ZNF365: variants seen among roughly 807,000 people sequenced by gnomAD.
ZNF365 encodes protein ZNF365.
A neutral mutation model predicts 35.0 loss-of-function variants in ZNF365; 22 were observed. The ratio of observed to expected loss-of-function variants is 0.63; its 90% CI spans 0.45 to 0.90. The LOEUF is 0.90. ZNF365 is among the 40% of genes least tolerant of loss of function. ZNF365 has a pLI of 0.00. For synonymous variants in ZNF365, 188 were observed against 196.2 expected, an observed-to-expected ratio of 0.96 and a Z score of 0.35; for missense variants, 448 against 500.3, an observed-to-expected ratio of 0.90 and a Z score of 1.00.
intron 3 of ZNF365, among the ~76,000 whole-genome samples, chr10:62,443,223 T>G (rs751604095): frequency 1.3e-5 from 2 of 152,366 alleles, no homozygotes; most frequent in Middle Eastern, 3.4e-3. Flanking sequence ...GCTTCTTCCT[T>G]CTGAGGTGAA....
chr10:62,376,056 A>G, intron 1 of ZNF365, 125 bp from the exon 2 acceptor site: 2 of 1,058,286 alleles, frequency 1.9e-6, no homozygotes, highest in Non-Finnish European at 2.8e-6. Flanking sequence ...TAAGTGCAAC[A>G]TAAAATATTA....
Position 62,380,092 on chromosome 10 carries a change from C to T in ZNF365, c.743+3156C>T, listed in dbSNP as rs910902980. On this transcript the variant is annotated intron_variant, in intron 2 of 4. Transcript: ENST00000395254. ...TTTCTTTCAAGTTAAAATAAAAGAC[C>T]CAAAGGCTGCTTCTGCCCTGAGGCC... is the stretch of plus-strand genomic sequence containing the variant. Among the ~76,000 whole-genome samples, 5 of 152,098 alleles carry T rather than the reference C, an allele frequency of 3.3e-5. No homozygotes were observed. In the South Asian group the frequency reaches 1.0e-3, roughly 32 times the overall value.
Position 62,401,828 on chromosome 10 carries a change from G to A in ZNF365, c.*2039G>A. On this transcript the variant is annotated 3_prime_UTR_variant, in exon 5 of 5. Transcript: ENST00000395254. ...GGCATGGCAACTCTCTTTGACAGTG[G>A]TACCCCATGATCTTCAGAAAGTACC... 1.0e-6 allele frequency: 1 copy of A among 985,448 alleles called. No individual in the cohort carries two copies. 61.0% of individuals were successfully genotyped at this position (985,448 alleles called of 1,614,324 possible).
intron 3 of ZNF365, among the ~76,000 whole-genome samples, chr10:62,440,738 C>T (rs948147618): frequency 3.3e-5 from 5 of 152,152 alleles, no homozygotes; most frequent in Admixed American, 1.3e-4. Flanking sequence ...AAATCCGATT[C>T]CTGGTCCCTA....
intron 4 of ZNF365, among the ~76,000 whole-genome samples, chr10:62,473,596 T>G (rs544740321): frequency 7.1e-6 from 1 of 141,418 alleles, no homozygotes; most frequent in South Asian, 2.3e-4. Flanking sequence ...ATCTGGGAAA[T>G]GAAGAAGACA....
intron 3 of ZNF365, among the ~76,000 whole-genome samples, chr10:62,422,354 T>C (rs775006321): frequency 2.0e-5 from 3 of 152,192 alleles, no homozygotes; most frequent in Admixed American, 6.5e-5. Flanking sequence ...TTTTGTGAAC[T>C]TCTTTGGTTG....
chr10:62,445,649 G>A (rs1840574887), intron 3 of ZNF365, among the ~76,000 whole-genome samples: 1 of 152,144 alleles, frequency 6.6e-6, no homozygotes, highest in Non-Finnish European at 1.5e-5. Flanking sequence ...AGGGCAAGGT[G>A]GTGATAATTG....
intron 3 of ZNF365, among the ~76,000 whole-genome samples, chr10:62,437,645 T>C (rs1840428413): frequency 6.6e-6 from 1 of 152,336 alleles, no homozygotes; most frequent in East Asian, 1.9e-4. Context: ...GCTTTTTCCT[T>C]CTAAATTCAC....
In ZNF365 at chr10:62,399,607, A is replaced by T. The variant is rs761217014; in HGVS notation, c.1042A>T (p.Lys348Ter). 1 of 1,612,364 alleles carries T rather than the reference A, an allele frequency of 6.2e-7. No homozygotes were observed. Among genetic ancestry groups the T allele is most frequent in the Non-Finnish European group, 8.5e-7 (1 of 1,178,636 alleles). Reference sequence around the variant, plus strand: ...CCACCCAAAGGGAAGGAACCACCTGAAAAAGGCCAAGGATGACAGAGCCAG... The same window carrying T: ...CCACCCAAAGGGAAGGAACCACCTGTAAAAGGCCAAGGATGACAGAGCCAG... ...HFHPKGRNHL[K>*]KAKDDRASMQ... Residue 348 changes from lysine to a stop codon, truncating the protein, a stop_gained, in exon 5 of 5, where the codon AAA (lysine) becomes TAA (stop). Coordinates refer to ENST00000395254, the MANE Select transcript of ZNF365 (RefSeq NM_014951.3). LOFTEE classifies it high-confidence loss of function.
intron 2 of ZNF365, among the ~76,000 whole-genome samples, chr10:62,380,620 A>C (rs1249037120): frequency 6.6e-6 from 1 of 152,166 alleles, no homozygotes; most frequent in Non-Finnish European, 1.5e-5. Flanking sequence ...CTCATTGTAA[A>C]CCCGTAGAAG....
rs1054792280 is a variant in ZNF365, at chr10:62,401,323, T to A, written c.*1534T>A. 1.0e-6 allele frequency: 1 copy of A among 985,438 alleles called. No individual in the cohort carries two copies. The highest frequency in any genetic ancestry group is 1.7e-5 in the African/African-American group (1 of 57,244). 61.0% of individuals were successfully genotyped at this position (985,438 alleles called of 1,614,324 possible). A position where few individuals can be genotyped will look rare whatever the true frequency, so the allele number is the denominator to read the frequency against. On this transcript the variant is annotated 3_prime_UTR_variant, in exon 5 of 5. Coordinates refer to ENST00000395254, the MANE Select transcript of ZNF365 (RefSeq NM_014951.3). ...GTAATTAACATTGGCAGAATTATGATTGTTACTGCAATAAGCATCAAATTA... is the reference window on the plus strand; with the variant it reads ...GTAATTAACATTGGCAGAATTATGAATGTTACTGCAATAAGCATCAAATTA...
intron 3 of ZNF365, among the ~76,000 whole-genome samples, chr10:62,449,721 T>A (rs1296137238): frequency 6.6e-6 from 1 of 152,150 alleles, no homozygotes; most frequent in African/African-American, 2.4e-5. Context: ...GTCACTATCA[T>A]CTTTTTCTTT....
chr10:62,453,552 A>G (rs1009394511), intron 3 of ZNF365, among the ~76,000 whole-genome samples: 2 of 152,192 alleles, frequency 1.3e-5, no homozygotes, highest in Non-Finnish European at 2.9e-5. Context: ...CACTTAGATT[A>G]ATTCCGTATC....
chr10:62,466,338 C>T (rs1226689259), intron 4 of ZNF365, among the ~76,000 whole-genome samples: 4 of 152,218 alleles, frequency 2.6e-5, no homozygotes, highest in African/African-American at 9.7e-5. Flanking sequence ...TGTGCTGGCA[C>T]CTGGAGCTGC....
chr10:62,408,834 G>A (rs866032797), intron 3 of ZNF365, among the ~76,000 whole-genome samples: 2 of 152,048 alleles, frequency 1.3e-5, no homozygotes, highest in South Asian at 2.1e-4. Context: ...ATCTTGATGC[G>A]TTGGTTTTGT....
At chr10:62,386,634 T>A (rs1839530573) in intron 2 of ZNF365, among the ~76,000 whole-genome samples, 1 of 152,194 alleles carries the variant, frequency 6.6e-6, no homozygotes, top group African/African-American at 2.4e-5. Context: ...TGTGGCGTAA[T>A]GTATTTGTGA....
At chr10:62,405,676 G>A (rs1030205143), downstream of ZNF365, among the ~76,000 whole-genome samples, 5 of 152,160 alleles carry the variant, frequency 3.3e-5, no homozygotes, top group Non-Finnish European at 7.3e-5. Flanking sequence ...TTAGAGATGA[G>A]GACCCCAACT....
At chr10:62,469,128 T>C (rs949183986) in intron 4 of ZNF365, among the ~76,000 whole-genome samples, 1 of 152,230 alleles carries the variant, frequency 6.6e-6, no homozygotes, top group African/African-American at 2.4e-5. Context: ...GGTATTTTGC[T>C]GTTGACTTTT....
chr10:62,471,061 G>T (rs963481644), intron 4 of ZNF365, among the ~76,000 whole-genome samples: 1 of 151,876 alleles, frequency 6.6e-6, no homozygotes, highest in Non-Finnish European at 1.5e-5. Flanking sequence ...TACAGTTTGA[G>T]GTAAGGATCA....
Sources: allele counts gnomAD v4.1 joint callset (sites outside exome capture counted in the v4.1 genomes callset), GRCh38; gene constraint gnomAD v4.1.1; transcripts MANE v1.5; gene names NCBI Gene and HGNC (gene_info 2026-07-23, HGNC 2026-07-21).